The following RSF1 variants were observed in gnomAD, a reference collection of about 807,000 sequenced individuals.
RSF1 encodes the protein HBV pX-associated protein 8.
A neutral mutation model predicts 145.2 loss-of-function variants in RSF1; 13 were observed. The observed-to-expected ratio is 0.09, with a 90% CI of 0.06 to 0.14. RSF1 has a LOEUF of 0.14. Ranked by LOEUF, RSF1 falls within the 10% of genes least tolerant of loss-of-function variation. The probability of loss-of-function intolerance (pLI) is 1.00; values close to 1 mark genes in which losing one functional copy is unlikely to be tolerated. For synonymous variants in RSF1, 577 were observed against 592.6 expected, an observed-to-expected ratio of 0.97 and a Z score of 0.38; for missense variants, 1,517 against 1,718.2, an observed-to-expected ratio of 0.88 and a Z score of 2.07.
chr11:77,841,688 C>G, the RSF1 span, among the ~76,000 whole-genome samples: 1 of 152,120 alleles, frequency 6.6e-6, no homozygotes, highest in South Asian at 2.1e-4. Flanking sequence ...GATGCATATC[C>G]TTGCAGCCTC....
intron 5 of RSF1, among the ~76,000 whole-genome samples, chr11:77,720,024 T>C (rs1388270421): frequency 6.6e-6 from 1 of 152,142 alleles, no homozygotes; most frequent in Non-Finnish European, 1.5e-5. Context: ...AGTTTCTTTG[T>C]GGGGTGCTAG....
At chr11:77,774,615 AAT>A (rs1948322495) in intron 1 of RSF1, among the ~76,000 whole-genome samples, 1 of 139,236 alleles carries the variant, frequency 7.2e-6, no homozygotes, top group Non-Finnish European at 1.6e-5. Context: ...TAAATAAATA[AAT>A]AAAATAAAGA....
chr11:77,768,385 A>C (rs2135942025), intron 1 of RSF1, among the ~76,000 whole-genome samples: 1 of 151,896 alleles, frequency 6.6e-6, no homozygotes, highest in East Asian at 1.9e-4. Flanking sequence ...CTGGTCTCGA[A>C]CTCCTGACCT....
upstream of RSF1, among the ~76,000 whole-genome samples, chr11:77,825,290 T>C (rs1949118476): frequency 6.6e-6 from 1 of 152,026 alleles, no homozygotes; most frequent in African/African-American, 2.4e-5. Flanking sequence ...CTGCTTTTTT[T>C]TTAATGGATA....
At chr11:77,732,613 T>C (rs1225401091) in intron 4 of RSF1, among the ~76,000 whole-genome samples, 1 of 152,172 alleles carries the variant, frequency 6.6e-6, no homozygotes, top group African/African-American at 2.4e-5. Flanking sequence ...GGGTGCAGGT[T>C]CATTTCCTGT....
chr11:77,675,040 G>T lies in RSF1; in HGVS notation c.3558C>A (p.Asp1186Glu), dbSNP rs751595011. Reference sequence around the variant, plus strand: ...ATGGTTACAGATTATTTTTACCAGAGTCTCTACTATTCTCCTCAGATTCCT... The same window carrying T: ...ATGGTTACAGATTATTTTTACCAGATTCTCTACTATTCTCCTCAGATTCCT... ...EEEESEENSRDSESDFSDDFS... is the reference protein window; with the variant it reads ...EEEESEENSRESESDFSDDFS... The change falls in exon 14 of 16, where the codon GAC becomes GAA. Residue 1186 changes from aspartate (D) to glutamate (E), a missense_variant. This residue lies in a region of RSF1 where 231 missense variants were observed against 276.6 expected (regional missense o/e 0.84). Coordinates refer to ENST00000308488, the MANE Select transcript of RSF1 (RefSeq NM_016578.4). 1.4e-5 allele frequency: 23 copies of T among 1,591,478 alleles called. No individual in the cohort carries two copies. Among genetic ancestry groups the T allele is most frequent in the Non-Finnish European group, 2.0e-5 (23 of 1,171,718 alleles).
At chr11:77,669,651 C>A (rs1276201137) in intron 15 of RSF1, among the ~76,000 whole-genome samples, 1 of 152,166 alleles carries the variant, frequency 6.6e-6, no homozygotes, top group Non-Finnish European at 1.5e-5. Flanking sequence ...GCTATTGTAA[C>A]GATCAGCACA....
rs969110820 is a variant in RSF1, at chr11:77,664,218, A to T, written c.*2699T>A. On this transcript the variant is annotated 3_prime_UTR_variant, in exon 16 of 16. Coordinates refer to ENST00000308488, the MANE Select transcript of RSF1 (RefSeq NM_016578.4). ...GTTTTTGCACTGCTCAAAATTTAAT[A>T]ATCAATAATCTATCTGCCTAATAAT... 3 of 152,220 alleles carry T rather than the reference A, an allele frequency of 2.0e-5. No homozygotes were observed. Among genetic ancestry groups the T allele is most frequent in the Non-Finnish European group, 4.4e-5 (3 of 68,028 alleles). 9.4% of individuals were successfully genotyped at this position (152,220 alleles called of 1,614,324 possible). A position where few individuals can be genotyped will look rare whatever the true frequency, so the allele number is the denominator to read the frequency against.
chr11:77,793,559 T>C (rs1379963978), intron 1 of RSF1, among the ~76,000 whole-genome samples: 1 of 151,980 alleles, frequency 6.6e-6, no homozygotes, highest in Non-Finnish European at 1.5e-5. Flanking sequence ...TAAAGACACA[T>C]ATAGACTAAA....
Position 77,701,365 on chromosome 11 carries a change from A to T in RSF1, c.1864T>A (p.Ser622Thr). The T allele has an allele frequency of 6.2e-7, 1 of 1,613,908 alleles. No homozygotes were observed. The highest frequency in any genetic ancestry group is 8.5e-7 in the Non-Finnish European group (1 of 1,180,004). Residue 622 changes from serine to threonine, a missense_variant, in exon 6 of 16, where the codon TCT (serine) becomes ACT (threonine). Physicochemically the swap from Ser to Thr is moderately conservative, Grantham distance 58. Around this residue, in one of 12 missense-constraint regions of RSF1, gnomAD observed 579 missense variants for 553.5 expected, o/e 1.05. Transcript: ENST00000308488. ...KSTLESEKPG[S>T]PEAAETSPPS... ...GGAGAAGTTTCAGCTGCCTCAGGAG[A>T]GCCAGGCTTTTCTGACTCTAGAGTA...
chr11:77,714,762 A>G (rs1282245361), intron 5 of RSF1, among the ~76,000 whole-genome samples: 1 of 152,114 alleles, frequency 6.6e-6, no homozygotes, highest in Admixed American at 6.6e-5. Context: ...GGACTGATTG[A>G]GCCCTAGAGG....
intron 5 of RSF1, among the ~76,000 whole-genome samples, chr11:77,724,849 C>A (rs948324289): frequency 6.6e-6 from 1 of 152,192 alleles, no homozygotes; most frequent in Admixed American, 6.5e-5. Context: ...AATGCTCACT[C>A]GTCCCTGCTC....
chr11:77,704,737 TTG>T (rs1199162079), intron 5 of RSF1, among the ~76,000 whole-genome samples: 2 of 150,476 alleles, frequency 1.3e-5, no homozygotes, highest in African/African-American at 4.9e-5. Flanking sequence ...CTTTGGTTTT[TTG>T]TGTGTTTGCC....
intron 5 of RSF1, among the ~76,000 whole-genome samples, chr11:77,715,965 T>C (rs1301205256): frequency 6.6e-6 from 1 of 152,162 alleles, no homozygotes; most frequent in Non-Finnish European, 1.5e-5. Flanking sequence ...GTACATAAAC[T>C]TTTTGATCCC....
chr11:77,684,475 G>C (rs1398317847), intron 10 of RSF1, among the ~76,000 whole-genome samples: 1 of 152,056 alleles, frequency 6.6e-6, no homozygotes, highest in Non-Finnish European at 1.5e-5. Context: ...CTCTTCTTTA[G>C]TCATTTTACA....
At chr11:77,755,832 C>A (rs917629118) in intron 2 of RSF1, among the ~76,000 whole-genome samples, 1 of 152,034 alleles carries the variant, frequency 6.6e-6, no homozygotes, top group African/African-American at 2.4e-5. Context: ...CCTGCCCTGG[C>A]CTCTGAAAGT....
At chr11:77,764,033 C>T (rs1948201807) in intron 2 of RSF1, 1 of 152,222 alleles carries the variant, frequency 6.6e-6, no homozygotes, top group African/African-American at 2.4e-5. Flanking sequence ...AGTAGATTCT[C>T]ATAAGGAGTG....
chr11:77,754,540 G>A (rs551911451), intron 2 of RSF1, among the ~76,000 whole-genome samples: 3 of 145,060 alleles, frequency 2.1e-5, no homozygotes, highest in African/African-American at 5.1e-5. Context: ...CCAGGAGTTT[G>A]AGACCAGCCT....
At chr11:77,684,124 CAGA>C (rs1442156306) in intron 10 of RSF1, among the ~76,000 whole-genome samples, 1 of 152,144 alleles carries the variant, frequency 6.6e-6, no homozygotes, top group Non-Finnish European at 1.5e-5. Flanking sequence ...TAATTTGCAA[CAGA>C]AGATGTTCAA....
Sources: gnomAD v4.1 joint callset for allele counts (sites outside exome capture counted in the v4.1 genomes callset) on GRCh38, gnomAD v4.1.1 for gene constraint, gnomAD v4.1.1 regional missense constraint, MANE v1.5 for transcripts, NCBI Gene and HGNC (gene_info 2026-07-23, HGNC 2026-07-21) for gene names.